SASH1: variants seen among roughly 807,000 people sequenced by gnomAD.
The protein encoded by SASH1 is SAM and SH3 domain-containing protein 1.
Under a neutral mutation model 125.2 loss-of-function variants are expected in SASH1, and 44 were observed. The observed-to-expected ratio is 0.35, with a 90% CI of 0.28 to 0.45. The LOEUF is 0.45. SASH1 is among the 20% of genes least tolerant of loss of function. The pLI is 1.00. For synonymous variants in SASH1, 639 were observed against 649.1 expected (o/e 0.98, Z 0.24); for missense variants, 1,426 against 1,614.5 (o/e 0.88, Z 2.00).
chr6:148,360,933 T>A (rs1461180101), intron 1 of SASH1, among the ~76,000 whole-genome samples: 1 of 152,144 alleles, frequency 6.6e-6, no homozygotes, highest in African/African-American at 2.4e-5. Flanking sequence ...CTTTTCAGAT[T>A]TAGCCAAGTT....
chr6:148,251,138 A>G, the SASH1 span, among the ~76,000 whole-genome samples: 1 of 152,238 alleles, frequency 6.6e-6, no homozygotes, highest in Non-Finnish European at 1.5e-5. Context: ...TCATCCTTTT[A>G]GGAACTCGTT....
At chr6:148,280,095 A>C (rs944810582) in intron 1 of SASH1, among the ~76,000 whole-genome samples, 1 of 131,574 alleles carries the variant, frequency 7.6e-6, no homozygotes, top group Non-Finnish European at 1.6e-5. Flanking sequence ...AACAAAAGAA[A>C]AAAAAGATTG....
At chr6:148,381,720 C>T (rs992993585) in intron 1 of SASH1, among the ~76,000 whole-genome samples, 3 of 145,944 alleles carry the variant, frequency 2.1e-5, no homozygotes, top group African/African-American at 7.6e-5. Flanking sequence ...CCTCTACCTC[C>T]TGGGCTCAAG....
At chr6:148,518,670 G>C (rs1349617400) in intron 9 of SASH1, among the ~76,000 whole-genome samples, 1 of 152,172 alleles carries the variant, frequency 6.6e-6, no homozygotes, top group Non-Finnish European at 1.5e-5. Context: ...AAGGGACACA[G>C]CCAGTTGGGA....
rs375348649 is a variant in SASH1 at position 148,534,741 on chromosome 6, C to T, written c.1945-10C>T. 4 of 1,614,102 alleles carry T rather than the reference C, an allele frequency of 2.5e-6. No individual in the cohort carries two copies. In the African/African-American group the frequency reaches 5.3e-5, roughly 22 times the overall value. ...CTGACACCCTTCTGTCTTCCTTCTC[C>T]CTCTCACAGGAGCACATGCCCACTT... On this transcript the variant is annotated splice_polypyrimidine_tract_variant and intron_variant, in intron 15 of 19. Coordinates refer to ENST00000367467, the MANE Select transcript of SASH1 (RefSeq NM_015278.5).
intron 2 of SASH1, chr6:148,393,661 AC>A: frequency 1.0e-6 from 1 of 979,736 alleles, no homozygotes; most frequent in Non-Finnish European, 1.2e-6. Context: ...TCTCATTCAA[AC>A]AGATGGGGCT....
intron 8 of SASH1, among the ~76,000 whole-genome samples, chr6:148,493,193 G>T (rs1390862027): frequency 1.3e-5 from 2 of 152,192 alleles, no homozygotes; most frequent in African/African-American, 4.8e-5. Context: ...CTCTGGTCAT[G>T]CTGTTCAGAG....
the SASH1 span, among the ~76,000 whole-genome samples, chr6:148,235,853 T>C: frequency 1.8e-4 from 27 of 152,242 alleles, no homozygotes; most frequent in Non-Finnish European, 3.8e-4. Context: ...ATTTTAAGTT[T>C]ACTGGTGGAC....
At chr6:148,445,666 A>C (rs1776738815) in intron 4 of SASH1, among the ~76,000 whole-genome samples, 1 of 152,096 alleles carries the variant, frequency 6.6e-6, no homozygotes, top group African/African-American at 2.4e-5. Context: ...CATAGCCTCA[A>C]AGTGGCTGCT....
intron 12 of SASH1, among the ~76,000 whole-genome samples, chr6:148,527,799 G>C (rs1781272442): frequency 6.6e-6 from 1 of 152,208 alleles, no homozygotes; most frequent in Non-Finnish European, 1.5e-5. Flanking sequence ...ACCGTGCTTG[G>C]TGCTGGGAAT....
At chr6:148,291,623 G>A (rs1195527998) in intron 1 of SASH1, among the ~76,000 whole-genome samples, 3 of 152,256 alleles carry the variant, frequency 2.0e-5, no homozygotes, top group East Asian at 1.9e-4. Flanking sequence ...GGTCAATGCT[G>A]CATTGAGTTG....
At chr6:148,381,617 CTTTTTTTTTTTT>C (rs201145545) in intron 1 of SASH1, among the ~76,000 whole-genome samples, 4,419 of 78,010 alleles carry the variant, frequency 0.057, 337 homozygotes, top group East Asian at 0.29. Context: ...TTCTTGCTTT[CTTTTTTTTTTTT>C]TTTTTTTTTT....
At chr6:148,418,951 T>G (rs902486019) in intron 2 of SASH1, among the ~76,000 whole-genome samples, 2 of 152,206 alleles carry the variant, frequency 1.3e-5, no homozygotes, top group Non-Finnish European at 1.5e-5. Flanking sequence ...GATTGAATCT[T>G]CCTTGAAACT....
chr6:148,323,145 G>A (rs555445408), intron 1 of SASH1, among the ~76,000 whole-genome samples: 20 of 152,076 alleles, frequency 1.3e-4, no homozygotes, highest in African/African-American at 4.8e-4. Flanking sequence ...AAGTAGCTGG[G>A]ATTACAGGCA....
intron 8 of SASH1, among the ~76,000 whole-genome samples, chr6:148,493,643 C>T (rs950742983): frequency 2.0e-5 from 3 of 152,184 alleles, no homozygotes; most frequent in African/African-American, 7.2e-5. Context: ...GCTTCCCCAC[C>T]CCAATCGCTG....
chr6:148,519,994 T>C lies in SASH1; in HGVS notation c.1209+101T>C. On this transcript the variant is annotated intron_variant, in intron 10 of 19. Transcript: ENST00000367467. The surrounding 1 kb of genome is among the most constrained non-coding windows in gnomAD (Gnocchi z 4.8). ...CAGAGTGTCCGGAAGCAAATCCGCT[T>C]GAAGAAAACGGATACTAATTATTCC... The C allele has an allele frequency of 1.3e-6, 1 of 757,598 alleles. No individual in the cohort carries two copies. Among genetic ancestry groups the C allele is most frequent in the Non-Finnish European group, 2.1e-6 (1 of 479,406 alleles). The allele number at this position is 757,598 out of a possible 1,614,324, so 46.9% of individuals were successfully genotyped here. A position where few individuals can be genotyped will look rare whatever the true frequency, so the allele number is the denominator to read the frequency against.
In SASH1 at chr6:148,474,137, A is replaced by G; in HGVS notation, c.542A>G (p.Glu181Gly). The G allele has an allele frequency of 6.2e-7, 1 of 1,612,008 alleles. No homozygotes were observed. The highest frequency in any genetic ancestry group is 8.5e-7 in the Non-Finnish European group (1 of 1,179,088). The change falls in exon 7 of 20, where the codon GAA (glutamate) becomes GGA (glycine). Residue 181 changes from glutamate (E) to glycine (G), a missense_variant. Coordinates refer to ENST00000367467, the MANE Select transcript of SASH1 (RefSeq NM_015278.5). The stretch of plus-strand genomic sequence containing the variant: ...GAAGACGTTGGTTATGTTGCCAGTG[A>G]AATAACGATGAGCGATGAGGAGCGG... Reference protein sequence around the residue: ...KGEDVGYVASEITMSDEERIQ... With the variant: ...KGEDVGYVASGITMSDEERIQ...
At chr6:148,437,307 A>G (rs1776331707) in intron 2 of SASH1, among the ~76,000 whole-genome samples, 1 of 152,232 alleles carries the variant, frequency 6.6e-6, no homozygotes, top group Non-Finnish European at 1.5e-5. Flanking sequence ...TGTGTTTGCT[A>G]GAAGACATGC....
At position 148,529,991 on chromosome 6, in the gene SASH1, G is replaced by A. The variant is rs1188029614; in HGVS notation, c.1429-1535G>A. Among the ~76,000 whole-genome samples the A allele has an allele frequency of 1.3e-5, 2 of 152,064 alleles. No individual in the cohort carries two copies. The highest frequency in any genetic ancestry group is 2.9e-5 in the Non-Finnish European group (2 of 68,016). On this transcript the variant is annotated intron_variant, in intron 12 of 19. Coordinates refer to ENST00000367467, the MANE Select transcript of SASH1 (RefSeq NM_015278.5). This position sits in a 1 kb window ranked among gnomAD's most constrained non-coding sequence, Gnocchi z 4.2. ...CCGGCTAATTATTGTATTTTTAGTA[G>A]AGATGGGGTTTCACTACGTTGGCCA...
Sources: gnomAD v4.1 joint callset for allele counts (sites outside exome capture counted in the v4.1 genomes callset) on GRCh38, gnomAD v4.1.1 for gene constraint, Gnocchi (gnomAD v3.1) non-coding constraint, MANE v1.5 for transcripts, NCBI Gene and HGNC (gene_info 2026-07-23, HGNC 2026-07-21) for gene names.